PCDHGA4: variants seen among roughly 807,000 people sequenced by gnomAD.
PCDHGA4 encodes protocadherin gamma-A4.
PCDHGA4 carries 38 observed loss-of-function variants against 54.6 expected under a neutral mutation model. That is an observed-to-expected ratio of 0.70 (90% CI 0.54 to 0.91). The LOEUF (loss-of-function observed/expected upper bound fraction) is 0.91. Ranked by LOEUF, PCDHGA4 falls within the 40% of genes least tolerant of loss-of-function variation. The probability of loss-of-function intolerance (pLI) is 0.00; values close to 1 mark genes in which losing one functional copy is unlikely to be tolerated. For missense variants in PCDHGA4, 1,298 were observed against 1,220.9 expected (o/e 1.06, Z -0.94); for synonymous variants, 511 against 512.9 (o/e 1.00, Z 0.05).
At chr5:141,423,797 C>A in intron 1 of PCDHGA4, 2 of 1,249,164 alleles carry the variant, frequency 1.6e-6, no homozygotes, top group African/African-American at 1.6e-5. Flanking sequence ...ATATTTAGAG[C>A]AATACATGTG....
intron 1 of PCDHGA4, among the ~76,000 whole-genome samples, chr5:141,467,475 T>C (rs2099144764): frequency 6.6e-6 from 1 of 152,248 alleles, no homozygotes; most frequent in Non-Finnish European, 1.5e-5. Flanking sequence ...GCATGGTTTT[T>C]GGTTTCCACA....
At chr5:141,474,881 C>A (rs2099356099) in intron 1 of PCDHGA4, among the ~76,000 whole-genome samples, 1 of 152,244 alleles carries the variant, frequency 6.6e-6, no homozygotes, top group South Asian at 2.1e-4. Context: ...AGCAGGAACT[C>A]TTAGAGGTTC....
chr5:141,416,585 A>T (rs2096043494), intron 1 of PCDHGA4: 2 of 152,244 alleles, frequency 1.3e-5, no homozygotes, highest in Non-Finnish European at 2.9e-5. Context: ...GAGGCAAAAT[A>T]AACTTAGAGT....
intron 3 of PCDHGA4, among the ~76,000 whole-genome samples, chr5:141,510,330 C>T (rs1420880240): frequency 6.6e-6 from 1 of 151,298 alleles, no homozygotes; most frequent in Non-Finnish European, 1.5e-5. Context: ...GCACTCTTCA[C>T]CCCCACCCCA....
At position 141,413,788 on chromosome 5, in the gene PCDHGA4, G is replaced by A. The variant is rs2095678300; in HGVS notation, c.2514+56167G>A. The A allele has an allele frequency of 2.1e-5, 34 of 1,613,166 alleles. No individual in the cohort carries two copies. Among genetic ancestry groups the A allele is most frequent in the Non-Finnish European group, 2.8e-5 (33 of 1,179,876 alleles). ...GGAGCTGGTACTGGAGCACTCCCTA[G>A]ATCGCGAGGAAGAGGCCATTCACCA... is the stretch of plus-strand genomic sequence containing the variant. On this transcript the variant is annotated intron_variant, in intron 1 of 3. Coordinates refer to ENST00000571252, the MANE Select transcript of PCDHGA4 (RefSeq NM_018917.4).
intron 1 of PCDHGA4, chr5:141,361,654 G>A (rs779307225): frequency 1.2e-6 from 2 of 1,613,664 alleles, no homozygotes; most frequent in African/African-American, 1.3e-5. Context: ...CTACGTGTCC[G>A]TGAGCGCGCA....
At chr5:141,423,049 C>T (rs1418805817) in intron 1 of PCDHGA4, 3 of 1,614,094 alleles carry the variant, frequency 1.9e-6, no homozygotes, top group East Asian at 2.2e-5. Flanking sequence ...GCTGTCCTAT[C>T]GCCTGCTTAA....
chr5:141,462,657 T>G (rs949098251), intron 1 of PCDHGA4, among the ~76,000 whole-genome samples: 1 of 152,164 alleles, frequency 6.6e-6, no homozygotes, highest in East Asian at 1.9e-4. Flanking sequence ...TCCTCAATTA[T>G]CTTCATATTT....
At chr5:141,473,939 C>T (rs1301939679) in intron 1 of PCDHGA4, among the ~76,000 whole-genome samples, 2 of 152,068 alleles carry the variant, frequency 1.3e-5, no homozygotes, top group African/African-American at 2.4e-5. Context: ...TGCAGTAGCT[C>T]AGGCCTGTAG....
chr5:141,496,523 G>T (rs1159517569), intron 2 of PCDHGA4, among the ~76,000 whole-genome samples: 1 of 152,128 alleles, frequency 6.6e-6, no homozygotes, highest in Non-Finnish European at 1.5e-5. Context: ...GGAGCCCTTG[G>T]TGTATGGCAG....
At chr5:141,423,755 GGGGGGT>G in intron 1 of PCDHGA4, 4 of 512,470 alleles carry the variant, frequency 7.8e-6, no homozygotes, top group Non-Finnish European at 1.0e-5. Context: ...CTGTTTGGGG[GGGGGGT>G]GGGGCGGCAT....
chr5:141,381,186 GC>G (rs1489730819), intron 1 of PCDHGA4, among the ~76,000 whole-genome samples: 7 of 152,226 alleles, frequency 4.6e-5, no homozygotes, highest in Non-Finnish European at 7.3e-5. Flanking sequence ...ACGAAGTTAA[GC>G]TTTCTTAGTG....
intron 1 of PCDHGA4, chr5:141,426,795 C>G (rs1214340018): frequency 2.2e-6 from 1 of 456,700 alleles, no homozygotes. Context: ...GAGTTACCAG[C>G]TCAGTTCTAA....
chr5:141,437,377 A>G (rs1021305426), intron 1 of PCDHGA4, among the ~76,000 whole-genome samples: 3 of 152,246 alleles, frequency 2.0e-5, no homozygotes, highest in Non-Finnish European at 2.9e-5. Flanking sequence ...AATCAGTCAG[A>G]AGACATTCAT....
rs2099884413 is a variant in PCDHGA4, at chr5:141,512,781, G to A, written c.*1608G>A. ...CCTTGATCTGCCCGCGGCGGCCCGT[G>A]TTGTGTTTTGTGCTGTGTCCACGCG... is the stretch of plus-strand genomic sequence containing the variant. On this transcript the variant is annotated 3_prime_UTR_variant, in exon 4 of 4. Transcript: ENST00000571252. 1 of 152,534 alleles carries A rather than the reference G, an allele frequency of 6.6e-6. No individual in the cohort carries two copies. Among genetic ancestry groups the A allele is most frequent in the African/African-American group, 2.4e-5 (1 of 41,444 alleles). 9.4% of individuals were successfully genotyped at this position (152,534 alleles called of 1,614,324 possible). A position where few individuals can be genotyped will look rare whatever the true frequency, so the allele number is the denominator to read the frequency against.
At chr5:141,370,488 C>A (rs758506114) in intron 1 of PCDHGA4, 2 of 1,613,906 alleles carry the variant, frequency 1.2e-6, no homozygotes, top group Admixed American at 3.3e-5. Flanking sequence ...TCTCTCCGAA[C>A]CGATCCGCTA....
chr5:141,394,316 G>C (rs779061595), intron 1 of PCDHGA4: 1 of 1,613,976 alleles, frequency 6.2e-7, no homozygotes, highest in African/African-American at 1.3e-5. Context: ...GGGCGCCCCT[G>C]TCCTCGTATA....
In PCDHGA4 at chr5:141,505,414, C is replaced by T. The variant is rs373956550; in HGVS notation, c.2595C>T (p.Thr865=). The T allele has an allele frequency of 3.0e-5, 48 of 1,614,046 alleles. No homozygotes were observed. In the African/African-American group the frequency reaches 3.1e-4, roughly 10 times the overall value. The change falls in exon 3 of 4, where the codon ACC becomes ACT. Residue 865 remains threonine (T), a synonymous_variant. Transcript: ENST00000571252. ...CCAGCTCCCAAAATGGCGATGACACCGGCACCTGGCCCAACAACCAGTTTG... is the reference window on the plus strand; with the variant it reads ...CCAGCTCCCAAAATGGCGATGACACTGGCACCTGGCCCAACAACCAGTTTG... ...GTSGSQNGDD[T]GTWPNNQFDT...
intron 1 of PCDHGA4, chr5:141,419,070 T>G: frequency 6.2e-7 from 1 of 1,613,926 alleles, no homozygotes; most frequent in Non-Finnish European, 8.5e-7. Context: ...TACTACAAGC[T>G]AGTAACAGAT....
Sources: gnomAD v4.1 joint callset for allele counts (sites outside exome capture counted in the v4.1 genomes callset) on GRCh38, gnomAD v4.1.1 for gene constraint, MANE v1.5 for transcripts, NCBI Gene and HGNC (gene_info 2026-07-23, HGNC 2026-07-21) for gene names.